RFX3: variants seen among roughly 807,000 people sequenced by gnomAD.
RFX3 encodes transcription factor RFX3.
A neutral mutation model predicts 98.6 loss-of-function variants in RFX3; 14 were observed. The observed-to-expected ratio is 0.14, with a 90% CI of 0.09 to 0.22. The LOEUF (loss-of-function observed/expected upper bound fraction) is 0.22, where lower values mean the gene tolerates loss of function less well. RFX3 is among the 10% of genes least tolerant of loss of function. The pLI is 1.00. For missense variants in RFX3, 639 were observed against 926.9 expected (o/e 0.69, Z 4.03); for synonymous variants, 383 against 328.4 (o/e 1.17, Z -1.80).
chr9:3,238,618 A>G (rs1317019765), intron 15 of RFX3, among the ~76,000 whole-genome samples: 1 of 152,084 alleles, frequency 6.6e-6, no homozygotes, highest in East Asian at 1.9e-4. Flanking sequence ...GAACTTCCTG[A>G]CTCAATGCTT....
At position 3,262,598 on chromosome 9, in the gene RFX3, G is replaced by GC. The variant is rs563666603; in HGVS notation, c.1605+336dup. On this transcript the variant is annotated intron_variant, in intron 13 of 16. Transcript: ENST00000617270. ...GTGAAGCCTAGAGCAGTTAAGTAAC[G>GC]CAATTGCCCAAGATCCCACAGCTGG... Among the ~76,000 whole-genome samples the GC allele has an allele frequency of 3.2e-4, 48 of 152,308 alleles. 1 individual carries two copies. The South Asian group carries it at 4.1e-3, about 13-fold the overall frequency.
chr9:3,443,405 T>C (rs907624559), intron 1 of RFX3, among the ~76,000 whole-genome samples: 1 of 152,136 alleles, frequency 6.6e-6, no homozygotes, highest in Non-Finnish European at 1.5e-5. Context: ...CCTCCATGTG[T>C]CCATGCGTTC....
chr9:3,410,862 T>A (rs143134924), intron 1 of RFX3, among the ~76,000 whole-genome samples: 1 of 152,220 alleles, frequency 6.6e-6, no homozygotes, highest in Non-Finnish European at 1.5e-5. Flanking sequence ...AATCATCTGA[T>A]GCATACTATT....
chr9:3,248,597 A>G (rs891716092), intron 14 of RFX3, among the ~76,000 whole-genome samples: 3 of 152,224 alleles, frequency 2.0e-5, no homozygotes, highest in African/African-American at 4.8e-5. Context: ...AGTGATAACG[A>G]TCTCTGGGGT....
rs375345599 is a variant in RFX3, at chr9:3,398,640, T to C, written c.-8-3044A>G. 4.3e-4 allele frequency among the ~76,000 whole-genome samples: 65 copies of C among 152,244 alleles called. 1 individual carries two copies. In the East Asian group the frequency reaches 7.9e-3, roughly 19 times the overall value. ...TTCAACTAAGAGTAGATGAGTTTCT[T>C]ACAATGATGTCACTCGCACTAAATC... On this transcript the variant is annotated intron_variant, in intron 1 of 16. Coordinates refer to ENST00000617270, the MANE Select transcript of RFX3 (RefSeq NM_001282116.2).
chr9:3,497,712 C>CA (rs5896014), intron 1 of RFX3, among the ~76,000 whole-genome samples: 29,529 of 151,672 alleles, frequency 0.19, 5,081 homozygotes, highest in East Asian at 0.58. Context: ...AAAAGTGTTA[C>CA]AAAAAAATTG....
intron 2 of RFX3, among the ~76,000 whole-genome samples, chr9:3,353,382 G>C (rs1835388602): frequency 6.6e-6 from 1 of 151,848 alleles, no homozygotes; most frequent in African/African-American, 2.4e-5. Flanking sequence ...GAAATGGGGA[G>C]GCTTAATGGC....
chr9:3,323,291 A>G (rs1426682255), intron 4 of RFX3, among the ~76,000 whole-genome samples: 1 of 152,172 alleles, frequency 6.6e-6, no homozygotes, highest in African/African-American at 2.4e-5. Flanking sequence ...AATTAAACAC[A>G]TGGGCCAGTA....
intron 1 of RFX3, among the ~76,000 whole-genome samples, chr9:3,445,077 A>C (rs1044269465): frequency 1.3e-5 from 2 of 152,206 alleles, no homozygotes; most frequent in African/African-American, 4.8e-5. Context: ...AATACCCAAC[A>C]TTTTGAATGG....
intron 2 of RFX3, among the ~76,000 whole-genome samples, chr9:3,365,090 A>C (rs1310920787): frequency 1.3e-5 from 2 of 152,156 alleles, no homozygotes; most frequent in Middle Eastern, 3.2e-3. Context: ...TCACAAGGTC[A>C]GGAGATCGAG....
At chr9:3,328,507 T>G (rs1310753134) in intron 4 of RFX3, among the ~76,000 whole-genome samples, 3 of 152,098 alleles carry the variant, frequency 2.0e-5, no homozygotes, top group African/African-American at 7.2e-5. Context: ...CTAAAAGGTT[T>G]AAAATACTGT....
At chr9:3,279,976 G>C (rs184210569) in intron 7 of RFX3, among the ~76,000 whole-genome samples, 53 of 151,794 alleles carry the variant, frequency 3.5e-4, no homozygotes, top group African/African-American at 1.3e-3. Context: ...AACTATGCAG[G>C]TCAGTACTTA....
intron 1 of RFX3, among the ~76,000 whole-genome samples, chr9:3,466,732 G>C (rs1235176868): frequency 6.6e-6 from 1 of 151,950 alleles, no homozygotes; most frequent in Admixed American, 6.6e-5. Flanking sequence ...TAAATGTCAA[G>C]AAATGAGTCT....
Position 3,429,799 on chromosome 9 carries a change from T to C in RFX3, c.-8-34203A>G, listed in dbSNP as rs573216070. ...CTTAGCGGCTGCTATACATCTGCTT[T>C]ACATTTGCTTTAAACAATAGAGAGA... On this transcript the variant is annotated intron_variant, in intron 1 of 16. Transcript: ENST00000617270. 9.2e-5 allele frequency among the ~76,000 whole-genome samples: 14 copies of C among 152,328 alleles called. No homozygotes were observed. The South Asian group carries it at 2.9e-3, about 32-fold the overall frequency.
intron 1 of RFX3, among the ~76,000 whole-genome samples, chr9:3,524,990 G>T (rs553655710): frequency 2.0e-5 from 3 of 148,328 alleles, no homozygotes; most frequent in South Asian, 4.2e-4. Flanking sequence ...GGGGTGTGTG[G>T]GGGGGGGGAG....
chr9:3,323,618 T>C (rs1831553785), intron 4 of RFX3, among the ~76,000 whole-genome samples: 1 of 152,210 alleles, frequency 6.6e-6, no homozygotes, highest in Non-Finnish European at 1.5e-5. Flanking sequence ...ACTTTGCTTA[T>C]CTAGATCTTG....
chr9:3,495,028 G>A (rs901642301), intron 1 of RFX3, among the ~76,000 whole-genome samples: 27 of 151,814 alleles, frequency 1.8e-4, no homozygotes, highest in Admixed American at 6.6e-5. Flanking sequence ...TCAATATGAA[G>A]AATTCTAACT....
At position 3,335,156 on chromosome 9, in the gene RFX3, T is replaced by G. The variant is rs1833023293; in HGVS notation, c.216-4639A>C. 3.3e-5 allele frequency among the ~76,000 whole-genome samples: 5 copies of G among 151,886 alleles called. No individual in the cohort carries two copies. The South Asian group carries it at 1.0e-3, about 32-fold the overall frequency. ...TAATAAAATAATAATAATAATATTCTTAGCCATTGTCCCTTAAAGGTAAGA... is the reference window on the plus strand; with the variant it reads ...TAATAAAATAATAATAATAATATTCGTAGCCATTGTCCCTTAAAGGTAAGA... On this transcript the variant is annotated intron_variant, in intron 3 of 16. Coordinates refer to ENST00000617270, the MANE Select transcript of RFX3 (RefSeq NM_001282116.2).
intron 5 of RFX3, among the ~76,000 whole-genome samples, chr9:3,299,267 T>C (rs888369048): frequency 2.0e-5 from 3 of 151,772 alleles, no homozygotes; most frequent in Non-Finnish European, 3.0e-5. Context: ...CCAGAATGCA[T>C]GCACTAGCAA....
Sources: gnomAD v4.1 joint callset for allele counts (sites outside exome capture counted in the v4.1 genomes callset) on GRCh38, gnomAD v4.1.1 for gene constraint, MANE v1.5 for transcripts, NCBI Gene and HGNC (gene_info 2026-07-23, HGNC 2026-07-21) for gene names.